Variants in RAD54B observed in about 807,000 individuals in gnomAD.
The protein encoded by RAD54B is RAD54 homolog B.
Under a neutral mutation model 95.8 loss-of-function variants are expected in RAD54B, and 78 were observed. That is an observed-to-expected ratio of 0.81 (90% CI 0.68 to 0.98). The LOEUF is 0.98. Ranked by LOEUF, RAD54B falls within the 50% of genes least tolerant of loss-of-function variation. RAD54B has a pLI of 0.00. For synonymous variants in RAD54B, 328 were observed against 354.9 expected (o/e 0.92, Z 0.85); for missense variants, 957 against 1,056.6 (o/e 0.91, Z 1.31).
At chr8:94,377,948 C>T (rs1243914288) in intron 14 of RAD54B, among the ~76,000 whole-genome samples, 2 of 136,064 alleles carry the variant, frequency 1.5e-5, no homozygotes, top group African/African-American at 5.7e-5. Context: ...TGCACTCCAG[C>T]CTGGGCGACA....
intron 2 of RAD54B, among the ~76,000 whole-genome samples, chr8:94,463,909 A>G (rs113346333): frequency 6.7e-6 from 1 of 150,224 alleles, no homozygotes; most frequent in African/African-American, 2.5e-5. Context: ...AAAAAAAAAA[A>G]AAAAGAAAGA....
chr8:94,459,575 A>C (rs1273571443), intron 2 of RAD54B, among the ~76,000 whole-genome samples: 1 of 151,978 alleles, frequency 6.6e-6, no homozygotes, highest in Admixed American at 6.6e-5. Context: ...AGATGAAACA[A>C]GAGGCCGGGC....
intron 12 of RAD54B, 92 bp downstream of exon 12, chr8:94,380,053 G>C (rs910188187): frequency 6.5e-6 from 9 of 1,377,264 alleles, no homozygotes; most frequent in Non-Finnish European, 8.8e-6. Context: ...TTATGCAGTG[G>C]ATATTATATA....
At chr8:94,411,374 G>A in intron 3 of RAD54B, 59 bp from the exon 4 acceptor site, 1 of 1,374,014 alleles carries the variant, frequency 7.3e-7, no homozygotes, top group Non-Finnish European at 9.7e-7. Flanking sequence ...AAGTAGTAAG[G>A]TCATTCAAAC....
chr8:94,384,414 T>C (rs1408277159), intron 11 of RAD54B, among the ~76,000 whole-genome samples: 2 of 152,144 alleles, frequency 1.3e-5, no homozygotes, highest in Non-Finnish European at 2.9e-5. Context: ...AAAGAAAAAC[T>C]ATATGATTCC....
At position 94,466,669 on chromosome 8, in the gene RAD54B, C is replaced by T. The variant is rs558432464; in HGVS notation, c.135+736G>A. ...TGATCTGCCCGTCTCGGCCTCCCAA[C>T]GTGCTGGGATTACAGGCGTGAGCCA... On this transcript the variant is annotated intron_variant, in intron 2 of 14. Coordinates refer to ENST00000336148, the MANE Select transcript of RAD54B (RefSeq NM_012415.3). 3.5e-3 allele frequency among the ~76,000 whole-genome samples: 531 copies of T among 152,090 alleles called. 2 individuals carry two copies. The highest frequency in any genetic ancestry group is 3.8e-3 in the Non-Finnish European group (256 of 67,950).
At chr8:94,406,003 T>TACACACACACACACACACAC (rs10640285) in intron 5 of RAD54B, among the ~76,000 whole-genome samples, 1 of 147,956 alleles carries the variant, frequency 6.8e-6, no homozygotes. Flanking sequence ...GAAGTGCTTT[T>TACACACACACACACACACAC]ACACACACAC....
intron 3 of RAD54B, among the ~76,000 whole-genome samples, chr8:94,423,664 G>A (rs549671104): frequency 5.0e-4 from 76 of 152,092 alleles, no homozygotes; most frequent in Non-Finnish European, 8.1e-4. Flanking sequence ...GGTTATTTTC[G>A]TTGTTTTACC....
At chr8:94,396,141 C>G (rs1235771067) in intron 8 of RAD54B, among the ~76,000 whole-genome samples, 1 of 151,882 alleles carries the variant, frequency 6.6e-6, no homozygotes, top group Non-Finnish European at 1.5e-5. Flanking sequence ...CAAGACAGAA[C>G]CAATTGTATA....
At chr8:94,374,285 A>G (rs1810514688) in intron 14 of RAD54B, among the ~76,000 whole-genome samples, 1 of 152,116 alleles carries the variant, frequency 6.6e-6, no homozygotes, top group African/African-American at 2.4e-5. Context: ...TCTCAAAAAA[A>G]AAAAAGAAAA....
chr8:94,384,212 CA>C (rs35352826), intron 11 of RAD54B, among the ~76,000 whole-genome samples: 69,171 of 151,888 alleles, frequency 0.46, 17,391 homozygotes, highest in Non-Finnish European at 0.59. Flanking sequence ...TTCACAGCAA[CA>C]TTATTCACAA....
chr8:94,378,435 G>A, intron 13 of RAD54B, 55 bp from the exon 14 acceptor site: 1 of 1,532,354 alleles, frequency 6.5e-7, no homozygotes. Context: ...CATTATTTTT[G>A]TTGGGTATAA....
intron 14 of RAD54B, among the ~76,000 whole-genome samples, chr8:94,373,357 T>C (rs971522727): frequency 1.3e-5 from 2 of 151,952 alleles, no homozygotes; most frequent in Non-Finnish European, 2.9e-5. Flanking sequence ...CCAGGGCACT[T>C]AGTCACCTTT....
At chr8:94,408,757 C>A (rs1811452853) in intron 4 of RAD54B, among the ~76,000 whole-genome samples, 1 of 152,108 alleles carries the variant, frequency 6.6e-6, no homozygotes, top group Non-Finnish European at 1.5e-5. Context: ...CTTCACTTAT[C>A]CAAATTAATG....
chr8:94,457,304 G>A (rs1812800226), intron 3 of RAD54B, among the ~76,000 whole-genome samples: 1 of 152,286 alleles, frequency 6.6e-6, no homozygotes, highest in Admixed American at 6.5e-5. Context: ...AAACTGCCAT[G>A]CCCAGAGCTG....
chr8:94,447,550 C>T (rs552708273), intron 3 of RAD54B, among the ~76,000 whole-genome samples: 6 of 152,336 alleles, frequency 3.9e-5, no homozygotes, highest in African/African-American at 1.4e-4. Context: ...ATAACTCTCA[C>T]TTCTAAGGAA....
rs150131837 is a variant in RAD54B, at chr8:94,452,555, A to G, written c.304+5713T>C. Among the ~76,000 whole-genome samples the G allele has an allele frequency of 6.3e-3, 964 of 151,904 alleles. 7 individuals carry two copies. Among genetic ancestry groups the G allele is most frequent in the African/African-American group, 0.021 (889 of 41,428 alleles). ...CTGCACTCACCCAGGCTGGAGTGCA[A>G]TGGTGCTATCTCAGCTCACTGCAAG... On this transcript the variant is annotated intron_variant, in intron 3 of 14. Coordinates refer to ENST00000336148, the MANE Select transcript of RAD54B (RefSeq NM_012415.3).
chr8:94,401,670 T>C (rs951060295), intron 6 of RAD54B, among the ~76,000 whole-genome samples: 4 of 152,218 alleles, frequency 2.6e-5, no homozygotes, highest in East Asian at 1.9e-4. Flanking sequence ...TGTCAGTTAA[T>C]TGTATTTCTT....
intron 8 of RAD54B, 95 bp downstream of exon 8, chr8:94,399,319 C>T (rs1563642003): frequency 1.0e-6 from 1 of 953,648 alleles, no homozygotes; most frequent in East Asian, 2.4e-5. Flanking sequence ...TTCCATCCAA[C>T]ACCACCAGTT....
Sources: gnomAD v4.1 joint callset for allele counts (sites outside exome capture counted in the v4.1 genomes callset) on GRCh38, gnomAD v4.1.1 for gene constraint, MANE v1.5 for transcripts, NCBI Gene and HGNC (gene_info 2026-07-23, HGNC 2026-07-21) for gene names.